The following AUTS2 variants were observed in gnomAD, a reference collection of about 807,000 sequenced individuals.
AUTS2 encodes the protein autism susceptibility gene 2 protein.
Under a neutral mutation model 112.4 loss-of-function variants are expected in AUTS2, and 17 were observed. The observed-to-expected ratio is 0.15, with a 90% confidence interval of 0.10 to 0.23. The LOEUF (loss-of-function observed/expected upper bound fraction) is 0.23. Ranked by LOEUF, AUTS2 falls within the 10% of genes least tolerant of loss-of-function variation. AUTS2 has a pLI of 1.00. For missense variants in AUTS2, 1,510 were observed against 1,701.6 expected (o/e 0.89, Z 1.98); for synonymous variants, 751 against 702.7 (o/e 1.07, Z -1.09).
chr7:70,555,824 A>C, intron 5 of AUTS2, among the ~76,000 whole-genome samples: 1 of 144,494 alleles, frequency 6.9e-6, no homozygotes. Context: ...TTTTTTTGAG[A>C]CAGAGTCTCG....
chr7:70,791,494 A>ATACT lies in AUTS2; in HGVS notation c.*500_*503dup, dbSNP rs1260313246. The ATACT allele has an allele frequency of 1.3e-5, 2 of 152,992 alleles. No individual in the cohort carries two copies. Among genetic ancestry groups the ATACT allele is most frequent in the South Asian group, 2.1e-4 (1 of 4,814 alleles). 9.5% of individuals were successfully genotyped at this position (152,992 alleles called of 1,614,324 possible). A position where few individuals can be genotyped will look rare whatever the true frequency, so the allele number is the denominator to read the frequency against. On this transcript the variant is annotated 3_prime_UTR_variant, in exon 19 of 19. Coordinates refer to ENST00000342771, the MANE Select transcript of AUTS2 (RefSeq NM_015570.4). ...ATAGATAAAGTAACATAATACATTA[A>ATACT]TACTTCTTAAAATGTGCTATTTGCA...
intron 5 of AUTS2, among the ~76,000 whole-genome samples, chr7:70,639,884 C>G (rs922385064): frequency 6.6e-6 from 1 of 152,162 alleles, no homozygotes; most frequent in Non-Finnish European, 1.5e-5. Flanking sequence ...TCTGAGAGGA[C>G]TACAAGGCTG....
At chr7:69,715,625 T>C (rs1309651096) in intron 1 of AUTS2, among the ~76,000 whole-genome samples, 1 of 152,142 alleles carries the variant, frequency 6.6e-6, no homozygotes, top group African/African-American at 2.4e-5. Flanking sequence ...GGAGTCAGCG[T>C]AGGCAGTCAA....
intron 1 of AUTS2, among the ~76,000 whole-genome samples, chr7:69,674,531 TAATATA>T (rs1796471757): frequency 4.3e-5 from 1 of 23,068 alleles, no homozygotes; most frequent in African/African-American, 1.1e-4. Flanking sequence ...TGTAAACACT[TAATATA>T]TGTTGGTTGT....
chr7:70,089,467 A>G (rs1160433417), intron 2 of AUTS2, among the ~76,000 whole-genome samples: 5 of 151,900 alleles, frequency 3.3e-5, no homozygotes, highest in South Asian at 2.1e-4. Flanking sequence ...ATTCCTTTGC[A>G]TTTAACCTAT....
At chr7:69,604,572 C>A (rs991925117) in intron 1 of AUTS2, among the ~76,000 whole-genome samples, 4 of 151,940 alleles carry the variant, frequency 2.6e-5, no homozygotes, top group African/African-American at 9.7e-5. Context: ...GGGAATGGGA[C>A]CTAGAAGGGT....
At chr7:69,628,732 C>G (rs951755194) in intron 1 of AUTS2, among the ~76,000 whole-genome samples, 2 of 152,050 alleles carry the variant, frequency 1.3e-5, no homozygotes, top group Non-Finnish European at 2.9e-5. Context: ...AACTCTTTCA[C>G]GAGAACAGCA....
rs1007311669 is a variant in AUTS2 at position 70,045,263 on chromosome 7, C to A, written c.523-72869C>A. Among the ~76,000 whole-genome samples the A allele has an allele frequency of 9.9e-5, 15 of 152,264 alleles. 1 individual carries two copies. In the South Asian group the frequency reaches 2.9e-3, roughly 29 times the overall value. On this transcript the variant is annotated intron_variant, in intron 2 of 18. Transcript: ENST00000342771. The stretch of plus-strand genomic sequence containing the variant: ...ACAAAACTGGATATTTGTTTTAAAG[C>A]TGTGCTGTTTAGGATTGTAGACACT...
At chr7:70,520,937 G>A (rs1390520637) in intron 5 of AUTS2, among the ~76,000 whole-genome samples, 1 of 152,092 alleles carries the variant, frequency 6.6e-6, no homozygotes, top group Admixed American at 6.5e-5. Flanking sequence ...AATCTTTCTG[G>A]TGCTTCCTTT....
chr7:70,167,622 A>C (rs1437716336), intron 4 of AUTS2, among the ~76,000 whole-genome samples: 1 of 152,198 alleles, frequency 6.6e-6, no homozygotes, highest in Non-Finnish European at 1.5e-5. Context: ...TTTTTTGTCC[A>C]AATGCACATG....
At chr7:70,422,952 A>G (rs1795286599) in intron 4 of AUTS2, among the ~76,000 whole-genome samples, 1 of 151,910 alleles carries the variant, frequency 6.6e-6, no homozygotes, top group South Asian at 2.1e-4. Context: ...TAATTCTTTC[A>G]CATATATGTA....
At chr7:70,041,664 A>G (rs1238460908) in intron 2 of AUTS2, among the ~76,000 whole-genome samples, 2 of 152,168 alleles carry the variant, frequency 1.3e-5, no homozygotes, top group Non-Finnish European at 2.9e-5. Flanking sequence ...CTTTTTTAAA[A>G]CAATGAAGTT....
At chr7:70,464,989 T>C (rs1294367695) in intron 5 of AUTS2, among the ~76,000 whole-genome samples, 1 of 152,166 alleles carries the variant, frequency 6.6e-6, no homozygotes, top group African/African-American at 2.4e-5. Flanking sequence ...TTCTCATTTA[T>C]GGCATCCTTA....
At chr7:70,744,119 G>T (rs1563166522) in intron 6 of AUTS2, among the ~76,000 whole-genome samples, 1 of 152,092 alleles carries the variant, frequency 6.6e-6, no homozygotes, top group African/African-American at 2.4e-5. Context: ...AACAGGTTTT[G>T]TTTTTCCTCG....
chr7:70,435,607 ACT>A, intron 4 of AUTS2, 143 bp from the exon 5 acceptor site: 2 of 792,952 alleles, frequency 2.5e-6, no homozygotes, highest in South Asian at 3.4e-5. Flanking sequence ...AACTGGAGAA[ACT>A]CTTTCTTTCC....
intron 1 of AUTS2, among the ~76,000 whole-genome samples, chr7:69,767,358 G>C (rs1462856456): frequency 6.6e-6 from 1 of 151,956 alleles, no homozygotes; most frequent in Non-Finnish European, 1.5e-5. Context: ...TCTATTTTTT[G>C]TAGGGACAAG....
At chr7:69,654,215 T>A (rs1795415569) in intron 1 of AUTS2, among the ~76,000 whole-genome samples, 2 of 152,186 alleles carry the variant, frequency 1.3e-5, no homozygotes, top group African/African-American at 4.8e-5. Flanking sequence ...TTATTCTCTC[T>A]TTTGAAGTCA....
At chr7:69,996,703 T>C (rs1798955936) in intron 2 of AUTS2, among the ~76,000 whole-genome samples, 1 of 152,106 alleles carries the variant, frequency 6.6e-6, no homozygotes, top group Non-Finnish European at 1.5e-5. Context: ...TATAAAAAGT[T>C]GTAAAAACTT....
At chr7:70,091,559 T>TTG (rs1218707170) in intron 2 of AUTS2, among the ~76,000 whole-genome samples, 4 of 152,148 alleles carry the variant, frequency 2.6e-5, no homozygotes, top group Admixed American at 2.6e-4. Flanking sequence ...GAAAAGAACA[T>TTG]TGTCTGTTTT....
Sources: gnomAD v4.1 joint callset for allele counts (sites outside exome capture counted in the v4.1 genomes callset) on GRCh38, gnomAD v4.1.1 for gene constraint, MANE v1.5 for transcripts, NCBI Gene and HGNC (gene_info 2026-07-23, HGNC 2026-07-21) for gene names.